Variants in MAGI2 observed in about 807,000 individuals in gnomAD.
MAGI2 encodes membrane-associated guanylate kinase, WW and PDZ domain-containing protein 2.
A neutral mutation model predicts 133.3 loss-of-function variants in MAGI2; 35 were observed. The observed-to-expected ratio is 0.26, with a 90% CI of 0.20 to 0.35. MAGI2 has a LOEUF of 0.35. MAGI2 is among the 10% of genes least tolerant of loss of function. MAGI2 has a pLI of 1.00. For synonymous variants in MAGI2, 729 were observed against 710.6 expected (o/e 1.03, Z -0.41); for missense variants, 1,636 against 1,863.4 (o/e 0.88, Z 2.25).
At chr7:79,174,604 C>A (rs1215852844) in intron 1 of MAGI2, among the ~76,000 whole-genome samples, 2 of 150,358 alleles carry the variant, frequency 1.3e-5, no homozygotes, top group African/African-American at 2.5e-5. Flanking sequence ...ATAATCCCAG[C>A]ACTTTGGGAG....
Position 78,290,124 on chromosome 7 carries a change from C to T in MAGI2, c.1409-33543G>A, listed in dbSNP as rs146374089. Reference sequence around the variant, plus strand: ...TAACAATATTAACCTTAAATGTAAACGAACTAAATGCCCCAATTAAAAGAC... The same window carrying T: ...TAACAATATTAACCTTAAATGTAAATGAACTAAATGCCCCAATTAAAAGAC... On this transcript the variant is annotated intron_variant, in intron 9 of 21. Transcript: ENST00000354212. Among the ~76,000 whole-genome samples, 88 of 152,186 alleles carry T rather than the reference C, an allele frequency of 5.8e-4. No homozygotes were observed. The East Asian group carries it at 0.011, about 20-fold the overall frequency.
chr7:78,432,853 A>T (rs12234415), intron 6 of MAGI2, among the ~76,000 whole-genome samples: 6 of 152,044 alleles, frequency 3.9e-5, no homozygotes, highest in Non-Finnish European at 8.8e-5. Context: ...ACTCATTTTC[A>T]TTATTAATGC....
At position 78,344,784 on chromosome 7, in the gene MAGI2, T is replaced by C. The variant is rs1790733509; in HGVS notation, c.1226-824A>G. Among the ~76,000 whole-genome samples the C allele has an allele frequency of 2.0e-5, 3 of 152,226 alleles. No homozygotes were observed. In the South Asian group the frequency reaches 6.2e-4, roughly 31 times the overall value. On this transcript the variant is annotated intron_variant, in intron 8 of 21. Transcript: ENST00000354212. ...CCGAATAATCTGAATAGGCACTGCA[T>C]AGATTTACCTGCTAATTTGTTATAT... is the stretch of plus-strand genomic sequence containing the variant.
At chr7:79,008,163 T>C (rs1164195301) in intron 1 of MAGI2, among the ~76,000 whole-genome samples, 2 of 152,076 alleles carry the variant, frequency 1.3e-5, no homozygotes, top group African/African-American at 4.8e-5. Context: ...TCAAATATAC[T>C]AGGGAAATTG....
chr7:78,793,835 C>T (rs1022043009), intron 2 of MAGI2, among the ~76,000 whole-genome samples: 6 of 152,128 alleles, frequency 3.9e-5, no homozygotes, highest in South Asian at 4.1e-4. Context: ...AGTTGGTGAT[C>T]GTATATCTCA....
At chr7:78,444,505 G>A (rs73370271) in intron 6 of MAGI2, among the ~76,000 whole-genome samples, 14,446 of 152,002 alleles carry the variant, frequency 0.095, 712 homozygotes, top group African/African-American at 0.13. Flanking sequence ...AGAGACATGT[G>A]TTACTTAACT....
chr7:78,852,050 A>G (rs1243212985), intron 2 of MAGI2, among the ~76,000 whole-genome samples: 2 of 152,112 alleles, frequency 1.3e-5, no homozygotes, highest in Non-Finnish European at 2.9e-5. Context: ...CAGATATTAT[A>G]TTGCCATATT....
intron 9 of MAGI2, among the ~76,000 whole-genome samples, chr7:78,266,726 C>A (rs926159321): frequency 6.6e-6 from 1 of 151,790 alleles, no homozygotes; most frequent in Non-Finnish European, 1.5e-5. Flanking sequence ...TACAGGATCA[C>A]GCCACTACAC....
chr7:78,138,408 G>C (rs956344393), intron 16 of MAGI2, among the ~76,000 whole-genome samples: 2 of 152,152 alleles, frequency 1.3e-5, no homozygotes, highest in Non-Finnish European at 2.9e-5. Context: ...TATTTAGTTA[G>C]GATGTCACAT....
chr7:78,040,531 G>C (rs1480368062), intron 21 of MAGI2, among the ~76,000 whole-genome samples: 1 of 152,188 alleles, frequency 6.6e-6, no homozygotes, highest in Non-Finnish European at 1.5e-5. Flanking sequence ...ACCCCACACG[G>C]GTTCAGGTGG....
chr7:79,038,537 T>A (rs1167586209), intron 1 of MAGI2, among the ~76,000 whole-genome samples: 1 of 152,214 alleles, frequency 6.6e-6, no homozygotes, highest in Non-Finnish European at 1.5e-5. Context: ...TTTCATTTTT[T>A]AAAAAGTAAA....
intron 3 of MAGI2, among the ~76,000 whole-genome samples, chr7:78,555,076 C>T (rs1484048292): frequency 6.6e-6 from 1 of 151,528 alleles, no homozygotes; most frequent in Non-Finnish European, 1.5e-5. Flanking sequence ...GAGGTTGAGG[C>T]TGCAGTGAAC....
At chr7:78,686,061 G>T (rs539907869) in intron 2 of MAGI2, among the ~76,000 whole-genome samples, 7 of 139,902 alleles carry the variant, frequency 5.0e-5, no homozygotes, top group Non-Finnish European at 1.1e-4. Context: ...GTGTGCTTTT[G>T]CTTATTTTCT....
At chr7:78,667,191 C>T (rs1279157209) in intron 2 of MAGI2, among the ~76,000 whole-genome samples, 1 of 151,856 alleles carries the variant, frequency 6.6e-6, no homozygotes. Context: ...TATAGAACAT[C>T]TTCTTCACAA....
At chr7:78,593,688 T>A (rs769530749) in intron 3 of MAGI2, among the ~76,000 whole-genome samples, 1 of 152,198 alleles carries the variant, frequency 6.6e-6, no homozygotes, top group Non-Finnish European at 1.5e-5. Flanking sequence ...AAAATATTAT[T>A]TGGGGCTTGG....
chr7:79,210,437 G>A (rs1829410536), intron 1 of MAGI2, among the ~76,000 whole-genome samples: 1 of 152,070 alleles, frequency 6.6e-6, no homozygotes, highest in South Asian at 2.1e-4. Context: ...AATTGCTCAT[G>A]TGTGTTTCCC....
chr7:78,404,549 A>G (rs929350343), intron 6 of MAGI2, among the ~76,000 whole-genome samples: 2 of 152,068 alleles, frequency 1.3e-5, no homozygotes, highest in Non-Finnish European at 2.9e-5. Context: ...GACAAACCTG[A>G]CAAAAAGAAG....
At chr7:78,880,799 G>T (rs1185169665) in intron 2 of MAGI2, among the ~76,000 whole-genome samples, 3 of 151,656 alleles carry the variant, frequency 2.0e-5, no homozygotes, top group Non-Finnish European at 4.4e-5. Flanking sequence ...AAAAAATTAA[G>T]ACCCATTTTC....
chr7:78,178,621 G>A (rs1013867893), intron 13 of MAGI2, among the ~76,000 whole-genome samples: 6 of 151,672 alleles, frequency 4.0e-5, no homozygotes, highest in East Asian at 1.9e-4. Context: ...GGGTATAAAC[G>A]TATGCCCAAT....
Sources: allele counts gnomAD v4.1 joint callset (sites outside exome capture counted in the v4.1 genomes callset), GRCh38; gene constraint gnomAD v4.1.1; transcripts MANE v1.5; gene names NCBI Gene and HGNC (gene_info 2026-07-23, HGNC 2026-07-21).